PACS1: variants seen among roughly 807,000 people sequenced by gnomAD.
PACS1 encodes the protein PACS-1.
In PACS1, 24 loss-of-function variants were observed where a neutral mutation model predicts 115.0. The observed-to-expected ratio is 0.21, with a 90% CI of 0.15 to 0.29. The LOEUF (loss-of-function observed/expected upper bound fraction) is 0.29. Among genes scored for constraint, PACS1 ranks in the 10% least tolerant of loss-of-function variants. The probability of loss-of-function intolerance (pLI) is 1.00; values close to 1 mark genes in which losing one functional copy is unlikely to be tolerated. For synonymous variants in PACS1, 453 were observed against 504.5 expected (o/e 0.90, Z 1.37); for missense variants, 838 against 1,251.2 (o/e 0.67, Z 4.98).
chr11:66,202,738 AAAAAATATATATATATATAT>A lies in PACS1; in HGVS notation c.445-7622_445-7603del, dbSNP rs1247916221. 3.9e-4 allele frequency among the ~76,000 whole-genome samples: 25 copies of A among 64,894 alleles called. 5 individuals are homozygous for A. Among genetic ancestry groups the A allele is most frequent in the African/African-American group, 1.6e-3 (25 of 15,262 alleles). The allele number at this position is 64,894 out of a possible 152,430, so 42.6% of individuals were successfully genotyped here. A position where few individuals can be genotyped will look rare whatever the true frequency, so the allele number is the denominator to read the frequency against. ...ACCTCATCTCTAGGAAAAAAAAAAAAAAAAATATATATATATATATATATATATATATATATATATATATT... is the reference window on the plus strand; with the variant it reads ...ACCTCATCTCTAGGAAAAAAAAAAAAATATATATATATATATATATATATT... On this transcript the variant is annotated intron_variant, in intron 2 of 23. Transcript: ENST00000320580.
At chr11:66,114,919 C>A (rs1158709893) in intron 1 of PACS1, among the ~76,000 whole-genome samples, 1 of 151,960 alleles carries the variant, frequency 6.6e-6, no homozygotes, top group Non-Finnish European at 1.5e-5. Context: ...GAACTAGAAC[C>A]ATAAGCCAGG....
intron 11 of PACS1, among the ~76,000 whole-genome samples, chr11:66,228,153 C>T (rs894145016): frequency 2.7e-5 from 4 of 150,358 alleles, no homozygotes; most frequent in African/African-American, 7.3e-5. Context: ...TCCCCTGTAC[C>T]TCCGGCCCAG....
At chr11:66,176,036 C>A (rs1859852174) in intron 1 of PACS1, among the ~76,000 whole-genome samples, 1 of 140,776 alleles carries the variant, frequency 7.1e-6, no homozygotes, top group Non-Finnish European at 1.5e-5. Context: ...ACACTTTGAC[C>A]AAAGTGGACT....
At chr11:66,223,077 A>AAC (rs1377440337) in intron 10 of PACS1, among the ~76,000 whole-genome samples, 1 of 150,660 alleles carries the variant, frequency 6.6e-6, no homozygotes, top group African/African-American at 2.4e-5. Flanking sequence ...AAAAAAAAAA[A>AAC]ACTCTTTCTA....
At chr11:66,197,812 T>A (rs1421985103) in intron 2 of PACS1, among the ~76,000 whole-genome samples, 1 of 152,024 alleles carries the variant, frequency 6.6e-6, no homozygotes, top group Non-Finnish European at 1.5e-5. Context: ...AAATAAAAAA[T>A]AAATAAAAAA....
intron 1 of PACS1, among the ~76,000 whole-genome samples, chr11:66,186,805 T>C (rs1214305153): frequency 6.6e-6 from 1 of 152,096 alleles, no homozygotes; most frequent in African/African-American, 2.4e-5. Context: ...TACAGTGGAG[T>C]GCATGGGTTT....
intron 1 of PACS1, among the ~76,000 whole-genome samples, chr11:66,135,164 C>T (rs1046337465): frequency 6.6e-6 from 1 of 152,036 alleles, no homozygotes; most frequent in Non-Finnish European, 1.5e-5. Flanking sequence ...CACATCGCTG[C>T]ACTCCAGCCT....
intron 1 of PACS1, among the ~76,000 whole-genome samples, chr11:66,168,535 A>T (rs78989162): frequency 0.028 from 4,256 of 150,224 alleles, 130 homozygotes; most frequent in Non-Finnish European, 0.043. Flanking sequence ...TTGGGTTTCA[A>T]TCCTGTTGGT....
chr11:66,177,454 G>T (rs1035170988), intron 1 of PACS1, among the ~76,000 whole-genome samples: 18 of 152,114 alleles, frequency 1.2e-4, no homozygotes, highest in Non-Finnish European at 1.2e-4. Flanking sequence ...GCCTCCCATA[G>T]TGCTGGGATT....
rs1441907813 is a variant in PACS1 at position 66,230,952 on chromosome 11, T to G, written c.1626+12T>G. 1 of 1,613,688 alleles carries G rather than the reference T, an allele frequency of 6.2e-7. No homozygotes were observed. The highest frequency in any genetic ancestry group is 8.5e-7 in the Non-Finnish European group (1 of 1,180,026). ...GCCACAGCACGCAGGTACTTCTGGG[T>G]GCCCCCAAAACACCAGGACCCTCTG... On this transcript the variant is annotated intron_variant, in intron 13 of 23. Transcript: ENST00000320580.
intron 1 of PACS1, among the ~76,000 whole-genome samples, chr11:66,188,773 C>T (rs1854449747): frequency 6.6e-6 from 1 of 152,188 alleles, no homozygotes; most frequent in Non-Finnish European, 1.5e-5. Context: ...GAGTCATCCT[C>T]ACAACTATAT....
intron 17 of PACS1, among the ~76,000 whole-genome samples, chr11:66,234,848 G>A (rs992573233): frequency 6.6e-6 from 1 of 151,972 alleles, no homozygotes; most frequent in East Asian, 1.9e-4. Context: ...CTCCAGCTGG[G>A]GCAGCAGAGT....
intron 1 of PACS1, among the ~76,000 whole-genome samples, chr11:66,104,609 A>G (rs1004290712): frequency 5.3e-5 from 8 of 152,172 alleles, no homozygotes; most frequent in African/African-American, 1.7e-4. Context: ...AAGTTTGCCA[A>G]CCTCTGATCT....
chr11:66,233,136 C>T lies in PACS1; in HGVS notation c.1838+70C>T. 1.7e-6 allele frequency: 2 copies of T among 1,187,538 alleles called. No homozygotes were observed. Among genetic ancestry groups the T allele is most frequent in the South Asian group, 1.3e-5 (1 of 79,950 alleles). The allele number at this position is 1,187,538 out of a possible 1,614,324, so 73.6% of individuals were successfully genotyped here. A position where few individuals can be genotyped will look rare whatever the true frequency, so the allele number is the denominator to read the frequency against. On this transcript the variant is annotated intron_variant, in intron 15 of 23. Transcript: ENST00000320580. The surrounding 1 kb of genome is among the most constrained non-coding windows in gnomAD (Gnocchi z 4.5). The stretch of plus-strand genomic sequence containing the variant: ...TGACCTCATCTTCCAACCCTGACTT[C>T]TAAGCAATGATAGACCCTCCTGGCC...
intron 1 of PACS1, among the ~76,000 whole-genome samples, chr11:66,097,305 C>A (rs1381822658): frequency 6.6e-6 from 1 of 152,092 alleles, no homozygotes; most frequent in South Asian, 2.1e-4. Context: ...CCAGTCAGAT[C>A]GTAATGCTCA....
intron 1 of PACS1, among the ~76,000 whole-genome samples, chr11:66,086,152 T>C (rs1045942461): frequency 4.3e-4 from 64 of 150,028 alleles, no homozygotes; most frequent in Non-Finnish European, 8.3e-4. Context: ...TTTTTTTTTT[T>C]TTTGAGACGG....
Position 66,236,077 on chromosome 11 carries a change from G to C in PACS1, c.2250+137G>C. 1 of 816,756 alleles carries C rather than the reference G, an allele frequency of 1.2e-6. No individual in the cohort carries two copies. The highest frequency in any genetic ancestry group is 2.2e-6 in the Non-Finnish European group (1 of 463,880). The allele number at this position is 816,756 out of a possible 1,614,324, so 50.6% of individuals were successfully genotyped here. On this transcript the variant is annotated intron_variant, in intron 19 of 23. Coordinates refer to ENST00000320580, the MANE Select transcript of PACS1 (RefSeq NM_018026.4). The surrounding 1 kb of genome is among the most constrained non-coding windows in gnomAD (Gnocchi z 4.2). The stretch of plus-strand genomic sequence containing the variant: ...GAGATTTTGCCTCCAGGGACTACCT[G>C]GCAGTGTCTGGAGACGTGTTTGGTT...
chr11:66,216,637 G>T (rs1208289596), intron 6 of PACS1, 26 bp downstream of exon 6: 10 of 1,609,908 alleles, frequency 6.2e-6, no homozygotes, highest in Non-Finnish European at 8.5e-6. Flanking sequence ...CCCTCACATG[G>T]CGTGTCCAAG....
intron 1 of PACS1, among the ~76,000 whole-genome samples, chr11:66,094,680 T>C (rs904777237): frequency 1.3e-5 from 2 of 152,202 alleles, no homozygotes; most frequent in African/African-American, 2.4e-5. Flanking sequence ...GAGGGAATCC[T>C]CCCTAACTCA....
Sources: allele counts gnomAD v4.1 joint callset (sites outside exome capture counted in the v4.1 genomes callset), GRCh38; gene constraint gnomAD v4.1.1; non-coding constraint Gnocchi (gnomAD v3.1); transcripts MANE v1.5; gene names NCBI Gene and HGNC (gene_info 2026-07-23, HGNC 2026-07-21).